Variants in PLCH1 observed in about 807,000 individuals in gnomAD.
PLCH1 encodes the protein 1-phosphatidylinositol 4,5-bisphosphate phosphodiesterase eta-1.
In PLCH1, 60 loss-of-function variants were observed where a neutral mutation model predicts 126.7. The observed-to-expected ratio is 0.47, with a 90% CI of 0.38 to 0.59. PLCH1 has a LOEUF of 0.59. Among genes scored for constraint, PLCH1 ranks in the 20% least tolerant of loss-of-function variants. PLCH1 has a pLI of 0.00. For synonymous variants in PLCH1, 719 were observed against 734.9 expected, an observed-to-expected ratio of 0.98 and a Z score of 0.35; for missense variants, 1,723 against 2,040.0, an observed-to-expected ratio of 0.84 and a Z score of 2.99.
At chr3:155,622,876 T>C (rs1217625258) in intron 2 of PLCH1, among the ~76,000 whole-genome samples, 1 of 152,178 alleles carries the variant, frequency 6.6e-6, no homozygotes, top group Non-Finnish European at 1.5e-5. Flanking sequence ...TAAACAAGTG[T>C]ATCCAGGGCG....
At chr3:155,686,281 C>T (rs1487670025) in intron 2 of PLCH1, among the ~76,000 whole-genome samples, 1 of 152,118 alleles carries the variant, frequency 6.6e-6, no homozygotes, top group Non-Finnish European at 1.5e-5. Context: ...ATGTAAGCTC[C>T]TTACAGACAG....
chr3:155,504,996 T>C (rs531752804), intron 12 of PLCH1, among the ~76,000 whole-genome samples: 3 of 152,282 alleles, frequency 2.0e-5, no homozygotes, highest in East Asian at 1.9e-4. Flanking sequence ...TGGGGTTAAG[T>C]CATTTTCAGT....
chr3:155,708,944 C>T (rs1170786898), intron 1 of PLCH1, among the ~76,000 whole-genome samples: 2 of 152,190 alleles, frequency 1.3e-5, no homozygotes, highest in African/African-American at 4.8e-5. Flanking sequence ...TTCTCCCTCC[C>T]TCCCCCTTAG....
intron 9 of PLCH1, among the ~76,000 whole-genome samples, chr3:155,552,715 T>C (rs11915975): frequency 0.022 from 3,300 of 152,284 alleles, 80 homozygotes; most frequent in African/African-American, 0.061. Context: ...TATGAAGACA[T>C]GCCTGTGTAT....
At chr3:155,524,124 C>A (rs951630075) in intron 10 of PLCH1, 120 bp from the exon 11 acceptor site, 26 of 704,876 alleles carry the variant, frequency 3.7e-5, no homozygotes, top group Non-Finnish European at 6.2e-5. Flanking sequence ...TATGTACATA[C>A]AATGGAATCT....
At chr3:155,540,212 C>T (rs1724049476) in intron 10 of PLCH1, among the ~76,000 whole-genome samples, 1 of 152,098 alleles carries the variant, frequency 6.6e-6, no homozygotes, top group East Asian at 1.9e-4. Context: ...ACTGGATCCT[C>T]ATCTCTCACC....
At position 155,695,348 on chromosome 3, in the gene PLCH1, G is replaced by T. The variant is rs1021889649; in HGVS notation, c.79+8798C>A. On this transcript the variant is annotated intron_variant, in intron 2 of 22. Coordinates refer to ENST00000460012, the MANE Select transcript of PLCH1 (RefSeq NM_014996.4). ...GGTCTTCTTTTCCTTCTTCATCTCA[G>T]CAAGGATGGTTTATGAGTATTTTTT... 2.0e-5 allele frequency among the ~76,000 whole-genome samples: 3 copies of T among 152,120 alleles called. No individual in the cohort carries two copies. The East Asian group carries it at 5.8e-4, about 29-fold the overall frequency.
At chr3:155,578,420 T>C (rs1007706204) in intron 6 of PLCH1, among the ~76,000 whole-genome samples, 2 of 152,230 alleles carry the variant, frequency 1.3e-5, no homozygotes, top group Non-Finnish European at 2.9e-5. Flanking sequence ...ATTATGATAC[T>C]AAGGTAAAGT....
intron 9 of PLCH1, among the ~76,000 whole-genome samples, chr3:155,553,408 C>T (rs1321723617): frequency 6.6e-6 from 1 of 152,166 alleles, no homozygotes; most frequent in Non-Finnish European, 1.5e-5. Flanking sequence ...TGCCCGGCCT[C>T]ACTGAGTATG....
chr3:155,536,102 G>A (rs911849951), intron 10 of PLCH1, among the ~76,000 whole-genome samples: 2 of 152,210 alleles, frequency 1.3e-5, no homozygotes, highest in African/African-American at 4.8e-5. Flanking sequence ...CTATCAGGAA[G>A]TCCCATGCCT....
chr3:155,576,820 T>C (rs1336542523), intron 6 of PLCH1, among the ~76,000 whole-genome samples: 2 of 152,230 alleles, frequency 1.3e-5, no homozygotes, highest in African/African-American at 2.4e-5. Flanking sequence ...CTTAACACTA[T>C]TTTAAAGAAT....
intron 12 of PLCH1, among the ~76,000 whole-genome samples, chr3:155,505,892 CT>C (rs761646376): frequency 5.5e-3 from 665 of 120,784 alleles, no homozygotes; most frequent in Non-Finnish European, 6.3e-3. Context: ...TCTTGGTCCG[CT>C]TTTTTTTTTT....
chr3:155,571,822 CAG>C (rs1455025875), intron 6 of PLCH1, among the ~76,000 whole-genome samples: 1 of 152,224 alleles, frequency 6.6e-6, no homozygotes, highest in Non-Finnish European at 1.5e-5. Flanking sequence ...TCTGGATCTG[CAG>C]ATCTGCCTCT....
intron 2 of PLCH1, among the ~76,000 whole-genome samples, chr3:155,665,204 A>G (rs989335689): frequency 3.3e-5 from 5 of 152,164 alleles, no homozygotes; most frequent in African/African-American, 4.8e-5. Flanking sequence ...GGGCCGCTGA[A>G]TCATCTCTTG....
Position 155,481,344 on chromosome 3 carries a change from T to C in PLCH1, c.4682A>G (p.Gln1561Arg). Residue 1561 changes from glutamine to arginine, a missense_variant, in exon 23 of 23, where the codon CAG becomes CGG. Gln to Arg is a conservative substitution (Grantham distance 43, BLOSUM62 1). Transcript: ENST00000460012. The surrounding 1 kb of genome is among the most constrained non-coding windows in gnomAD (Gnocchi z 4.2). ...CTTCCTGACCAGTGCCCGGGGGAGC[T>C]GATTGGCATCCTGCTTTGAATATAG... ...QVLYSKQDAN[Q>R]LPRALVRKLS... 6 of 1,614,256 alleles carry C rather than the reference T, an allele frequency of 3.7e-6. No individual in the cohort carries two copies. Among genetic ancestry groups the C allele is most frequent in the Non-Finnish European group, 5.1e-6 (6 of 1,180,042 alleles).
At chr3:155,685,551 G>C in intron 2 of PLCH1, among the ~76,000 whole-genome samples, 1 of 152,142 alleles carries the variant, frequency 6.6e-6, no homozygotes, top group East Asian at 1.9e-4. Context: ...AAAGTAGTTG[G>C]AGACGATGTG....
At chr3:155,613,846 A>T (rs956520857) in intron 2 of PLCH1, among the ~76,000 whole-genome samples, 1 of 152,182 alleles carries the variant, frequency 6.6e-6, no homozygotes, top group Non-Finnish European at 1.5e-5. Context: ...AAATCCGTAA[A>T]GAGGAAGTTG....
At chr3:155,670,286 AC>A (rs1485426473) in intron 2 of PLCH1, among the ~76,000 whole-genome samples, 1 of 152,138 alleles carries the variant, frequency 6.6e-6, no homozygotes, top group Non-Finnish European at 1.5e-5. Context: ...ATTTTATTTC[AC>A]CATCTGGGGA....
intron 11 of PLCH1, 79 bp from the exon 12 acceptor site, chr3:155,514,963 T>G: frequency 1.1e-6 from 1 of 893,676 alleles, no homozygotes; most frequent in Non-Finnish European, 1.6e-6. Flanking sequence ...CAAGCCACAA[T>G]TGCTTCTATA....
Sources: gnomAD v4.1 joint callset for allele counts (sites outside exome capture counted in the v4.1 genomes callset) on GRCh38, gnomAD v4.1.1 for gene constraint, Gnocchi (gnomAD v3.1) non-coding constraint, MANE v1.5 for transcripts, NCBI Gene and HGNC (gene_info 2026-07-23, HGNC 2026-07-21) for gene names.